The following GPC5 variants were observed in gnomAD, a reference collection of about 807,000 sequenced individuals.
The protein encoded by GPC5 is glypican 5.
Under a neutral mutation model 53.9 loss-of-function variants are expected in GPC5, and 47 were observed. The observed-to-expected ratio is 0.87, with a 90% CI of 0.69 to 1.11. The LOEUF is 1.11. GPC5 is among the 50% of genes most tolerant of loss of function. GPC5 has a pLI of 0.00. For synonymous variants in GPC5, 286 were observed against 263.3 expected (o/e 1.09, Z -0.84); for missense variants, 748 against 713.1 (o/e 1.05, Z -0.56).
chr13:91,966,801 GA>G (rs1233580742), intron 6 of GPC5, among the ~76,000 whole-genome samples: 1 of 151,948 alleles, frequency 6.6e-6, no homozygotes, highest in Non-Finnish European at 1.5e-5. Flanking sequence ...TTTAAAAGGG[GA>G]AAAAAGCAAA....
At chr13:92,286,130 A>T (rs2042952689) in intron 7 of GPC5, among the ~76,000 whole-genome samples, 1 of 152,216 alleles carries the variant, frequency 6.6e-6, no homozygotes, top group South Asian at 2.1e-4. Flanking sequence ...CAGACACGTG[A>T]AAAAATGCTC....
intron 2 of GPC5, among the ~76,000 whole-genome samples, chr13:91,508,091 G>T (rs768767625): frequency 6.6e-6 from 1 of 151,880 alleles, no homozygotes; most frequent in Admixed American, 6.6e-5. Flanking sequence ...TAGATTTTTG[G>T]CATTTTTAAA....
chr13:91,830,636 G>A (rs576623253), intron 5 of GPC5, among the ~76,000 whole-genome samples: 2 of 150,948 alleles, frequency 1.3e-5, no homozygotes, highest in Admixed American at 6.7e-5. Flanking sequence ...CACAATCCAT[G>A]TTCTTCTGCC....
At chr13:91,978,711 G>A (rs117292527) in intron 6 of GPC5, among the ~76,000 whole-genome samples, 2,845 of 152,256 alleles carry the variant, frequency 0.019, 30 homozygotes, top group Non-Finnish European at 0.029. Flanking sequence ...TATTTTAAAT[G>A]CATTAAAAAG....
chr13:92,113,188 T>C (rs552044986), intron 6 of GPC5, among the ~76,000 whole-genome samples: 116 of 152,288 alleles, frequency 7.6e-4, no homozygotes, highest in African/African-American at 2.8e-3. Context: ...GAAAAGAATT[T>C]TTTTGTCTCC....
intron 7 of GPC5, among the ~76,000 whole-genome samples, chr13:92,152,113 G>A (rs1205980020): frequency 8.5e-5 from 13 of 152,080 alleles, no homozygotes; most frequent in South Asian, 2.1e-4. Context: ...CTAAAAATGT[G>A]AATTAAAAAT....
In GPC5 at chr13:92,209,700, A is replaced by G. The variant is rs147250302; in HGVS notation, c.1561+64711A>G. Among the ~76,000 whole-genome samples the G allele has an allele frequency of 5.8e-4, 89 of 152,270 alleles. 1 individual carries two copies. In the East Asian group the frequency reaches 0.014, roughly 25 times the overall value. Reference sequence around the variant, plus strand: ...TGTAAAAAAAAAATAGTGTCTAGTTATTATCTCATGCAAACAAAATTATGT... The same window carrying G: ...TGTAAAAAAAAAATAGTGTCTAGTTGTTATCTCATGCAAACAAAATTATGT... On this transcript the variant is annotated intron_variant, in intron 7 of 7. Transcript: ENST00000377067.
chr13:91,587,880 A>G (rs2032657226), intron 2 of GPC5, among the ~76,000 whole-genome samples: 1 of 152,162 alleles, frequency 6.6e-6, no homozygotes, highest in African/African-American at 2.4e-5. Flanking sequence ...TTGAGAGATC[A>G]TTGTTTATCA....
intron 7 of GPC5, among the ~76,000 whole-genome samples, chr13:92,463,960 CAT>C (rs1878592892): frequency 6.6e-6 from 1 of 152,070 alleles, no homozygotes; most frequent in South Asian, 2.1e-4. Context: ...ATTTTTGTCA[CAT>C]GTTAAATTCA....
chr13:92,438,581 A>C (rs965167054), intron 7 of GPC5, among the ~76,000 whole-genome samples: 1 of 152,004 alleles, frequency 6.6e-6, no homozygotes, highest in East Asian at 1.9e-4. Context: ...TGTTTTAAAA[A>C]TGTAATCCTG....
intron 4 of GPC5, among the ~76,000 whole-genome samples, chr13:91,743,739 A>C (rs2036987488): frequency 6.6e-6 from 1 of 152,114 alleles, no homozygotes; most frequent in African/African-American, 2.4e-5. Flanking sequence ...TTTCATCTTC[A>C]GTCCAAAACA....
At chr13:92,375,864 T>A (rs1326283123) in intron 7 of GPC5, among the ~76,000 whole-genome samples, 1 of 152,180 alleles carries the variant, frequency 6.6e-6, no homozygotes, top group African/African-American at 2.4e-5. Context: ...TCTGCAGAAA[T>A]ACCTAGGTTA....
intron 7 of GPC5, among the ~76,000 whole-genome samples, chr13:92,551,850 G>T (rs59816585): frequency 0.012 from 1,801 of 151,930 alleles, 39 homozygotes; most frequent in African/African-American, 0.041. Context: ...GTGAGAGAGA[G>T]AAAAGAAGTC....
chr13:91,706,678 T>C (rs2036112998), intron 3 of GPC5, among the ~76,000 whole-genome samples: 1 of 151,926 alleles, frequency 6.6e-6, no homozygotes, highest in African/African-American at 2.4e-5. Flanking sequence ...ATTTAACTGC[T>C]CCCCAAGTAG....
At chr13:92,649,254 G>A (rs564989526) in intron 7 of GPC5, among the ~76,000 whole-genome samples, 2 of 152,168 alleles carry the variant, frequency 1.3e-5, no homozygotes, top group African/African-American at 4.8e-5. Context: ...TTGTTTAGTT[G>A]CTGTGGAGTT....
intron 7 of GPC5, among the ~76,000 whole-genome samples, chr13:92,458,753 T>A (rs893858009): frequency 1.3e-5 from 2 of 152,088 alleles, no homozygotes; most frequent in African/African-American, 2.4e-5. Flanking sequence ...ATATATGGGC[T>A]ACAGATGAAT....
At chr13:92,221,460 T>C (rs1007278742) in intron 7 of GPC5, among the ~76,000 whole-genome samples, 11 of 152,134 alleles carry the variant, frequency 7.2e-5, no homozygotes, top group Admixed American at 1.3e-4. Flanking sequence ...TTCCTCAAAG[T>C]AGAGTTAGGA....
chr13:92,712,690 G>A (rs1211422903), intron 7 of GPC5, among the ~76,000 whole-genome samples: 2 of 152,128 alleles, frequency 1.3e-5, no homozygotes, highest in African/African-American at 4.8e-5. Context: ...GACTAAATTC[G>A]TTGTGCCTCC....
intron 2 of GPC5, among the ~76,000 whole-genome samples, chr13:91,636,724 G>A (rs1202744751): frequency 3.3e-5 from 5 of 152,008 alleles, no homozygotes; most frequent in African/African-American, 1.2e-4. Context: ...GGAGACTGAG[G>A]TAGGAGGATT....
Sources: gnomAD v4.1 joint callset for allele counts (sites outside exome capture counted in the v4.1 genomes callset) on GRCh38, gnomAD v4.1.1 for gene constraint, MANE v1.5 for transcripts, NCBI Gene and HGNC (gene_info 2026-07-23, HGNC 2026-07-21) for gene names.